The following RBFOX3 variants were observed in gnomAD, a reference collection of about 807,000 sequenced individuals.
RBFOX3 encodes the protein RNA binding fox-1 homolog 3.
In RBFOX3, 17 loss-of-function variants were observed where a neutral mutation model predicts 48.7. The ratio of observed to expected loss-of-function variants is 0.35; its 90% CI spans 0.24 to 0.52. The LOEUF is 0.52. RBFOX3 is among the 20% of genes least tolerant of loss of function. The pLI, the probability that RBFOX3 is intolerant of heterozygous loss-of-function variation, is 0.94. For synonymous variants in RBFOX3, 212 were observed against 209.5 expected (o/e 1.01, Z -0.10); for missense variants, 382 against 497.5 (o/e 0.77, Z 2.21).
chr17:79,554,322 G>T (rs1207919393), intron 1 of RBFOX3, among the ~76,000 whole-genome samples: 1 of 151,198 alleles, frequency 6.6e-6, no homozygotes, highest in Non-Finnish European at 1.5e-5. Flanking sequence ...CCCTCACCTG[G>T]CCCTCTCCAT....
At chr17:79,456,172 C>G (rs1173580477) in intron 2 of RBFOX3, among the ~76,000 whole-genome samples, 1 of 152,190 alleles carries the variant, frequency 6.6e-6, no homozygotes, top group Non-Finnish European at 1.5e-5. Context: ...AATGTGCTCC[C>G]GAGCCTGTTC....
intron 4 of RBFOX3, among the ~76,000 whole-genome samples, chr17:79,160,706 G>A (rs187025576): frequency 2.0e-4 from 30 of 152,240 alleles, no homozygotes; most frequent in African/African-American, 6.7e-4. Flanking sequence ...CTTGGCGAGC[G>A]TAGTGGCTCA....
At chr17:79,388,065 A>AGT (rs35911006) in intron 2 of RBFOX3, among the ~76,000 whole-genome samples, 22 of 151,384 alleles carry the variant, frequency 1.5e-4, no homozygotes, top group African/African-American at 4.1e-4. Context: ...TGCACTGTGC[A>AGT]GTGTGTGTGC....
chr17:79,401,805 C>T (rs2062846320), intron 2 of RBFOX3, among the ~76,000 whole-genome samples: 2 of 152,338 alleles, frequency 1.3e-5, no homozygotes, highest in Admixed American at 1.3e-4. Context: ...TGACGACCGG[C>T]TCCAGATACA....
At chr17:79,635,637 G>C in the RBFOX3 span, among the ~76,000 whole-genome samples, 1 of 152,094 alleles carries the variant, frequency 6.6e-6, no homozygotes, top group Non-Finnish European at 1.5e-5. Flanking sequence ...AAAAAATAGA[G>C]ACTATAAACA....
intron 1 of RBFOX3, among the ~76,000 whole-genome samples, chr17:79,595,932 G>A (rs968494887): frequency 2.6e-5 from 4 of 152,276 alleles, no homozygotes; most frequent in Non-Finnish European, 4.4e-5. Context: ...AATCACGAGC[G>A]TACTCCCCTG....
rs112957316 is a variant in RBFOX3 at position 79,462,758 on chromosome 17, T to C, written c.-175+19696A>G. ...AAATAAAGTCCCAGATACGGAATTA[T>C]AAAACTGGGGAAATGACTACACACA... On this transcript the variant is annotated intron_variant, in intron 2 of 14. Transcript: ENST00000693108. 3.0e-3 allele frequency among the ~76,000 whole-genome samples: 462 copies of C among 152,224 alleles called. 2 individuals are homozygous for C. Among genetic ancestry groups the C allele is most frequent in the African/African-American group, 0.011 (441 of 41,528 alleles).
chr17:79,250,165 A>G (rs1392867018), intron 3 of RBFOX3, among the ~76,000 whole-genome samples: 2 of 152,164 alleles, frequency 1.3e-5, no homozygotes, highest in Non-Finnish European at 2.9e-5. Flanking sequence ...CACATGATCA[A>G]TTTCAGTCTC....
At chr17:79,100,393 G>C (rs2076193721) in intron 9 of RBFOX3, 1 of 152,218 alleles carries the variant, frequency 6.6e-6, no homozygotes. Flanking sequence ...TTTTTAAAAA[G>C]AATTTGAGAT....
chr17:79,373,888 CACTCTT>C (rs11277423), intron 2 of RBFOX3, among the ~76,000 whole-genome samples: 29,021 of 151,918 alleles, frequency 0.19, 3,109 homozygotes, highest in East Asian at 0.24. Flanking sequence ...GACTGAGTCT[CACTCTT>C]GTCGCCCAGG....
At chr17:79,215,565 G>A (rs189586236) in intron 4 of RBFOX3, among the ~76,000 whole-genome samples, 19 of 152,318 alleles carry the variant, frequency 1.2e-4, no homozygotes, top group East Asian at 7.7e-4. Flanking sequence ...CTGCCCACAC[G>A]GAGCTCACAG....
intron 2 of RBFOX3, among the ~76,000 whole-genome samples, chr17:79,375,413 T>C (rs2059109291): frequency 7.1e-6 from 1 of 141,676 alleles, no homozygotes; most frequent in Admixed American, 7.2e-5. Flanking sequence ...AGCTCTTCAG[T>C]GCTGGGGATG....
At chr17:79,411,865 T>A (rs1169567200) in intron 2 of RBFOX3, among the ~76,000 whole-genome samples, 1 of 152,232 alleles carries the variant, frequency 6.6e-6, no homozygotes, top group African/African-American at 2.4e-5. Flanking sequence ...ATGGAAAATA[T>A]GGAACAATGT....
chr17:79,217,335 G>A (rs1171492811), intron 4 of RBFOX3, among the ~76,000 whole-genome samples: 1 of 152,226 alleles, frequency 6.6e-6, no homozygotes, highest in Non-Finnish European at 1.5e-5. Flanking sequence ...TGGGAGAGGA[G>A]GCTGCACAAG....
intron 2 of RBFOX3, among the ~76,000 whole-genome samples, chr17:79,313,155 G>A (rs558075804): frequency 6.6e-6 from 1 of 152,314 alleles, no homozygotes; most frequent in South Asian, 2.1e-4. Context: ...CATCTGTAAT[G>A]TGAACTCTTT....
rs1429770904 is a variant in RBFOX3, at chr17:79,391,955, T to A, written c.-174-84131A>T. Among the ~76,000 whole-genome samples, 1 of 151,834 alleles carries A rather than the reference T, an allele frequency of 6.6e-6. No individual in the cohort carries two copies. The highest frequency in any genetic ancestry group is 1.5e-5 in the Non-Finnish European group (1 of 67,994). On this transcript the variant is annotated intron_variant, in intron 2 of 14. Coordinates refer to ENST00000693108, the MANE Select transcript of RBFOX3 (RefSeq NM_001350451.2). The surrounding 1 kb of genome is among the most constrained non-coding windows in gnomAD (Gnocchi z 5.0). ...GCGGGTTTGCTGAGAAGGCACGTGC[T>A]CCCCCTGGTGGAAGGAAACTTGTAT... is the stretch of plus-strand genomic sequence containing the variant.
At chr17:79,643,809 G>A in the RBFOX3 span, among the ~76,000 whole-genome samples, 1 of 152,072 alleles carries the variant, frequency 6.6e-6, no homozygotes, top group African/African-American at 2.4e-5. Context: ...GAGAAAATTT[G>A]TAGCTTTAAT....
intron 4 of RBFOX3, among the ~76,000 whole-genome samples, chr17:79,226,858 G>A (rs893494978): frequency 6.6e-6 from 1 of 152,174 alleles, no homozygotes; most frequent in Non-Finnish European, 1.5e-5. Flanking sequence ...GCGTGAGGCT[G>A]GCAAATTTCT....
intron 13 of RBFOX3, 60 bp downstream of exon 13, chr17:79,095,453 G>A: frequency 2.7e-6 from 4 of 1,466,834 alleles, no homozygotes; most frequent in Middle Eastern, 1.7e-4. Context: ...CAGCTCCCCA[G>A]GGATCCTTGT....
Sources: allele counts gnomAD v4.1 joint callset (sites outside exome capture counted in the v4.1 genomes callset), GRCh38; gene constraint gnomAD v4.1.1; non-coding constraint Gnocchi (gnomAD v3.1); transcripts MANE v1.5; gene names NCBI Gene and HGNC (gene_info 2026-07-23, HGNC 2026-07-21).